RXFP2: variants seen among roughly 807,000 people sequenced by gnomAD.
RXFP2 encodes the protein relaxin receptor 2.
Under a neutral mutation model 88.6 loss-of-function variants are expected in RXFP2, and 68 were observed. That is an observed-to-expected ratio of 0.77 (90% CI 0.63 to 0.94). RXFP2 has a LOEUF of 0.94. Among genes scored for constraint, RXFP2 ranks in the 40% least tolerant of loss-of-function variants. The pLI is 0.00. For missense variants in RXFP2, 791 were observed against 893.9 expected, an observed-to-expected ratio of 0.88 and a Z score of 1.47; for synonymous variants, 329 against 306.8, an observed-to-expected ratio of 1.07 and a Z score of -0.76.
At chr13:31,759,413 G>C (rs1487333205) in intron 2 of RXFP2, among the ~76,000 whole-genome samples, 1 of 150,184 alleles carries the variant, frequency 6.7e-6, no homozygotes, top group African/African-American at 2.5e-5. Flanking sequence ...AAGAAAGAAA[G>C]AAAGAAAGAA....
chr13:31,781,730 C>G lies in RXFP2; in HGVS notation c.845C>G (p.Ser282Trp). 6.2e-7 allele frequency: 1 copy of G among 1,609,522 alleles called. No homozygotes were observed. The change falls in exon 10 of 18, where the codon TCG (serine) becomes TGG (tryptophan). Residue 282 changes from serine to tryptophan, a missense_variant. Transcript: ENST00000298386. ...AATTCTACGTTTCTGTCGTGCGATT[C>G]GCTCACAGTGCTGTAAGTATACAAT... ...LTNSTFLSCD[S>W]LTVLFLPRNQ...
intron 14 of RXFP2, among the ~76,000 whole-genome samples, chr13:31,790,771 G>C (rs797008554): frequency 2.0e-5 from 3 of 152,334 alleles, no homozygotes; most frequent in African/African-American, 7.2e-5. Context: ...GGAAGTTGGA[G>C]TGAAGTGACA....
rs9549085 is a variant in RXFP2, at chr13:31,783,426, A to C, written c.929+679A>C. On this transcript the variant is annotated intron_variant, in intron 11 of 17. Coordinates refer to ENST00000298386, the MANE Select transcript of RXFP2 (RefSeq NM_130806.5). ...TTAGGATAGAAAACTCATCTTTCTG[A>C]TTGAGGCCTTAAAATGGAAATTAAT... Among the ~76,000 whole-genome samples the C allele has an allele frequency of 2.6e-5, 4 of 152,344 alleles. No individual in the cohort carries two copies. The East Asian group carries it at 7.7e-4, about 29-fold the overall frequency.
intron 7 of RXFP2, among the ~76,000 whole-genome samples, chr13:31,776,302 C>T (rs924415122): frequency 1.6e-5 from 2 of 125,022 alleles, no homozygotes; most frequent in African/African-American, 6.3e-5. Flanking sequence ...GTCACACAGG[C>T]TGGAGTGCAC....
intron 14 of RXFP2, among the ~76,000 whole-genome samples, chr13:31,790,518 C>T (rs933958568): frequency 6.6e-6 from 1 of 152,192 alleles, no homozygotes; most frequent in African/African-American, 2.4e-5. Flanking sequence ...AATTATTCAT[C>T]ATCCACTTGC....
At chr13:31,757,666 G>T (rs575922232) in intron 1 of RXFP2, among the ~76,000 whole-genome samples, 1 of 152,314 alleles carries the variant, frequency 6.6e-6, no homozygotes, top group Non-Finnish European at 1.5e-5. Flanking sequence ...AAGGGTGGAT[G>T]ACTCCTTGAT....
intron 7 of RXFP2, among the ~76,000 whole-genome samples, chr13:31,777,125 T>C (rs1873024662): frequency 6.6e-6 from 1 of 151,958 alleles, no homozygotes; most frequent in African/African-American, 2.4e-5. Context: ...GGTCTTTAAG[T>C]CCAGCAGGAG....
intron 13 of RXFP2, among the ~76,000 whole-genome samples, chr13:31,788,896 T>C (rs1873669853): frequency 6.6e-6 from 1 of 152,216 alleles, no homozygotes; most frequent in Non-Finnish European, 1.5e-5. Flanking sequence ...AATGAATATG[T>C]TCTATTAGAA....
intron 7 of RXFP2, among the ~76,000 whole-genome samples, chr13:31,776,228 TC>T (rs1179462251): frequency 6.8e-6 from 1 of 147,762 alleles, no homozygotes; most frequent in Non-Finnish European, 1.5e-5. Flanking sequence ...TTGCTTGCCT[TC>T]CTTTTTTCCT....
intron 13 of RXFP2, 54 bp from the exon 14 acceptor site, chr13:31,789,068 A>G (rs1873677053): frequency 9.3e-7 from 1 of 1,076,208 alleles, no homozygotes; most frequent in South Asian, 1.2e-5. Context: ...GAAGAATGCA[A>G]TTATTAAAAC....
At chr13:31,742,559 TTA>T (rs1316659240) in intron 1 of RXFP2, among the ~76,000 whole-genome samples, 2 of 152,156 alleles carry the variant, frequency 1.3e-5, no homozygotes, top group Admixed American at 1.3e-4. Context: ...TAGAGATGTG[TTA>T]TCTCTGAAGA....
In RXFP2 at chr13:31,778,873, C is replaced by A. The variant is rs150710593; in HGVS notation, c.785+290C>A. Among the ~76,000 whole-genome samples, 745 of 152,246 alleles carry A rather than the reference C, an allele frequency of 4.9e-3. 7 individuals are homozygous for A. The highest frequency in any genetic ancestry group is 0.017 in the African/African-American group (720 of 41,548). ...CAAACTACTACTCCTACAGTCAATT[C>A]CCTAAGCATATTGTTCCTTGGACTT... On this transcript the variant is annotated intron_variant, in intron 9 of 17. Transcript: ENST00000298386.
intron 1 of RXFP2, among the ~76,000 whole-genome samples, chr13:31,746,889 A>C (rs933833332): frequency 6.6e-6 from 1 of 152,210 alleles, no homozygotes; most frequent in African/African-American, 2.4e-5. Flanking sequence ...CTGTAAAAGT[A>C]TTCCCTTAAA....
intron 2 of RXFP2, among the ~76,000 whole-genome samples, chr13:31,760,333 C>T (rs552242067): frequency 3.3e-5 from 5 of 152,204 alleles, no homozygotes; most frequent in African/African-American, 9.6e-5. Context: ...TTAGGTGATC[C>T]GCCCGCCTCG....
rs576208551 is a variant in RXFP2 at position 31,788,549 on chromosome 13, G to A, written c.1074-573G>A. 5.3e-5 allele frequency among the ~76,000 whole-genome samples: 8 copies of A among 152,164 alleles called. No homozygotes were observed. The South Asian group carries it at 1.0e-3, about 20-fold the overall frequency. Reference sequence around the variant, plus strand: ...GATCCCTTTGAGGACATTTTATGGGGCCTGAAGGATTTAAAGGAATTTAAT... The same window carrying A: ...GATCCCTTTGAGGACATTTTATGGGACCTGAAGGATTTAAAGGAATTTAAT... On this transcript the variant is annotated intron_variant, in intron 13 of 17. Coordinates refer to ENST00000298386, the MANE Select transcript of RXFP2 (RefSeq NM_130806.5).
Position 31,792,937 on chromosome 13 carries a change from C to T in RXFP2, c.1635C>T (p.Ile545=), listed in dbSNP as rs749159456. 2.5e-6 allele frequency: 4 copies of T among 1,614,094 alleles called. No homozygotes were observed. In the South Asian group the frequency reaches 4.4e-5, roughly 18 times the overall value. Residue 545 remains isoleucine (I), a synonymous_variant, in exon 16 of 18, where the codon ATC becomes ATT. Transcript: ENST00000298386. ...AGACCTCAGTCATCCTCATTTGCATCTGGATGGCGGGATTTTTAATAGCTG... is the reference window on the plus strand; with the variant it reads ...AGACCTCAGTCATCCTCATTTGCATTTGGATGGCGGGATTTTTAATAGCTG... ...KRQTSVILIC[I]WMAGFLIAVI...
Position 31,802,550 on chromosome 13 carries a change from A to G in RXFP2, c.*145A>G. On this transcript the variant is annotated 3_prime_UTR_variant, in exon 18 of 18. Coordinates refer to ENST00000298386, the MANE Select transcript of RXFP2 (RefSeq NM_130806.5). Reference sequence around the variant, plus strand: ...ACAGCAGAATGGCTCCTGTCACTGCATTCCAATGGCAGCTGTACTATCTAC... The same window carrying G: ...ACAGCAGAATGGCTCCTGTCACTGCGTTCCAATGGCAGCTGTACTATCTAC... The G allele has an allele frequency of 3.4e-6, 3 of 880,796 alleles. No individual in the cohort carries two copies. Among genetic ancestry groups the G allele is most frequent in the Non-Finnish European group, 5.6e-6 (3 of 535,288 alleles). The allele number at this position is 880,796 out of a possible 1,614,324, so 54.6% of individuals were successfully genotyped here. A position where few individuals can be genotyped will look rare whatever the true frequency, so the allele number is the denominator to read the frequency against.
In RXFP2 at chr13:31,762,957, G is replaced by A. The variant is rs569570240; in HGVS notation, c.319+1156G>A. Among the ~76,000 whole-genome samples, 52 of 152,084 alleles carry A rather than the reference G, an allele frequency of 3.4e-4. 2 individuals carry two copies. Among genetic ancestry groups the A allele is most frequent in the Non-Finnish European group, 1.9e-4 (13 of 68,020 alleles). On this transcript the variant is annotated intron_variant, in intron 3 of 17. Transcript: ENST00000298386. ...TTCTTTCATTCTTAATGAGGAGGAA[G>A]AGCATGTGATCAGAAATGTATGTGA...
intron 1 of RXFP2, among the ~76,000 whole-genome samples, chr13:31,748,143 T>G (rs962641606): frequency 2.0e-5 from 3 of 152,228 alleles, no homozygotes; most frequent in African/African-American, 7.2e-5. Context: ...TCAAAGACAC[T>G]TGGATTATTT....
Sources: allele counts gnomAD v4.1 joint callset (sites outside exome capture counted in the v4.1 genomes callset), GRCh38; gene constraint gnomAD v4.1.1; transcripts MANE v1.5; gene names NCBI Gene and HGNC (gene_info 2026-07-23, HGNC 2026-07-21).